The following ITPK1 variants were observed in gnomAD, a reference collection of about 807,000 sequenced individuals.
ITPK1 encodes inositol 1,3,4-trisphosphate 5/6-kinase.
In ITPK1, 21 loss-of-function variants were observed where a neutral mutation model predicts 45.3. The ratio of observed to expected loss-of-function variants is 0.46; its 90% CI spans 0.33 to 0.67. ITPK1 has a LOEUF of 0.67. Among genes scored for constraint, ITPK1 ranks in the 30% least tolerant of loss-of-function variants. The pLI is 0.02. For synonymous variants in ITPK1, 258 were observed against 253.6 expected (o/e 1.02, Z -0.16); for missense variants, 474 against 573.5 (o/e 0.83, Z 1.77).
rs973362811 is a variant in ITPK1 at position 93,012,509 on chromosome 14, A to T, written c.246+4167T>A. ...GGTCAAGCTGGCAATCATGGCCTTC[A>T]GTGTCACAGCAATAAGAAAGCATGG... On this transcript the variant is annotated intron_variant, in intron 4 of 10. Transcript: ENST00000267615. This position sits in a 1 kb window ranked among gnomAD's most constrained non-coding sequence, Gnocchi z 4.9. Among the ~76,000 whole-genome samples, 1 of 152,188 alleles carries T rather than the reference A, an allele frequency of 6.6e-6. No homozygotes were observed. The highest frequency in any genetic ancestry group is 1.5e-5 in the Non-Finnish European group (1 of 68,034).
intron 2 of ITPK1, among the ~76,000 whole-genome samples, chr14:93,086,414 A>C (rs1002311334): frequency 1.2e-4 from 18 of 152,204 alleles, no homozygotes; most frequent in Admixed American, 6.5e-5. Flanking sequence ...CTTAAAGTTT[A>C]GTTGTCTTTG....
At chr14:92,948,579 C>T (rs557402628) in intron 9 of ITPK1, among the ~76,000 whole-genome samples, 6 of 152,068 alleles carry the variant, frequency 3.9e-5, no homozygotes, top group Non-Finnish European at 8.8e-5. Flanking sequence ...CTCAAGTAAT[C>T]CTCCCTCCTT....
intron 5 of ITPK1, 25 bp downstream of exon 5, chr14:92,993,855 G>A (rs372305342): frequency 6.8e-7 from 1 of 1,461,786 alleles, no homozygotes; most frequent in South Asian, 1.1e-5. Context: ...GCCTGCCACG[G>A]ATGTGGTGCC....
At chr14:92,975,415 G>A (rs914006314) in intron 5 of ITPK1, among the ~76,000 whole-genome samples, 7 of 152,164 alleles carry the variant, frequency 4.6e-5, no homozygotes, top group South Asian at 2.1e-4. Context: ...CAGGAGGCTC[G>A]GTGGGAGCAG....
chr14:93,062,445 T>TA (rs1007098513), intron 3 of ITPK1, among the ~76,000 whole-genome samples: 8 of 149,290 alleles, frequency 5.4e-5, no homozygotes, highest in East Asian at 2.0e-4. Context: ...AAAGTTTAAT[T>TA]AAAAAAAAAA....
intron 5 of ITPK1, among the ~76,000 whole-genome samples, chr14:92,990,394 G>A (rs1385828376): frequency 1.3e-5 from 2 of 152,178 alleles, no homozygotes; most frequent in Non-Finnish European, 2.9e-5. Context: ...GAAGGAGCCA[G>A]GGTCCCAGCC....
At chr14:93,114,034 G>T (rs1892845435) in intron 2 of ITPK1, among the ~76,000 whole-genome samples, 1 of 152,222 alleles carries the variant, frequency 6.6e-6, no homozygotes, top group East Asian at 1.9e-4. Flanking sequence ...AATTCTCCAA[G>T]ATGTGTGGGG....
intron 3 of ITPK1, among the ~76,000 whole-genome samples, chr14:93,055,718 G>A (rs931766239): frequency 2.0e-5 from 3 of 152,130 alleles, no homozygotes; most frequent in South Asian, 2.1e-4. Flanking sequence ...ATCCTTATCC[G>A]GTCCTAGCCC....
chr14:92,992,316 A>T (rs149991652), intron 5 of ITPK1, among the ~76,000 whole-genome samples: 502 of 152,306 alleles, frequency 3.3e-3, no homozygotes, highest in Non-Finnish European at 5.8e-3. Context: ...ACCTTCACCC[A>T]TGGCAGACTG....
At position 92,946,342 on chromosome 14, in the gene ITPK1, T is replaced by C. The variant is rs1327708993; in HGVS notation, c.890A>G (p.Asn297Ser). Residue 297 changes from asparagine to serine, a missense_variant, in exon 10 of 11, where the codon AAT becomes AGT. Coordinates refer to ENST00000267615, the MANE Select transcript of ITPK1 (RefSeq NM_014216.6). ...TGGCCGCCACTCACCTGGGAAGGCATTGATGTCAATGACGGCGTGCTGCCC... is the reference window on the plus strand; with the variant it reads ...TGGCCGCCACTCACCTGGGAAGGCACTGATGTCAATGACGGCGTGCTGCCC... The part of the protein sequence containing the change: ...QTGQHAVIDI[N>S]AFPGYEGVSE... The C allele has an allele frequency of 9.3e-6, 15 of 1,613,136 alleles. No individual in the cohort carries two copies. Among genetic ancestry groups the C allele is most frequent in the African/African-American group, 2.7e-5 (2 of 74,904 alleles).
chr14:93,075,049 G>A (rs1239230782), intron 3 of ITPK1, among the ~76,000 whole-genome samples: 1 of 152,106 alleles, frequency 6.6e-6, no homozygotes, highest in Non-Finnish European at 1.5e-5. Flanking sequence ...ATGCAGGTTG[G>A]GCGCGGTGGC....
chr14:92,943,937 G>A (rs1887558237), intron 10 of ITPK1, among the ~76,000 whole-genome samples: 1 of 152,224 alleles, frequency 6.6e-6, no homozygotes, highest in Admixed American at 6.5e-5. Flanking sequence ...GGCTGGGGCT[G>A]ACAGTCTGGG....
chr14:93,032,350 A>AAATAATAATAAT lies in ITPK1; in HGVS notation c.121-15561_121-15550dup, dbSNP rs10675965. Among the ~76,000 whole-genome samples, 101 of 150,260 alleles carry AAATAATAATAAT rather than the reference A, an allele frequency of 6.7e-4. No homozygotes were observed. The highest frequency in any genetic ancestry group is 2.1e-3 in the African/African-American group (84 of 40,662). Reference sequence around the variant, plus strand: ...GGGCGACAGAGCGAGACTCCATCTCAAATAATAATAATAATAATAATAAAG... The same window carrying AAATAATAATAAT: ...GGGCGACAGAGCGAGACTCCATCTCAAATAATAATAATAATAATAATAATAATAATAATAAAG... On this transcript the variant is annotated intron_variant, in intron 3 of 10. Transcript: ENST00000267615. The surrounding 1 kb of genome is among the most constrained non-coding windows in gnomAD (Gnocchi z 4.0).
At chr14:93,095,764 T>C (rs1892053120) in intron 2 of ITPK1, among the ~76,000 whole-genome samples, 2 of 151,708 alleles carry the variant, frequency 1.3e-5, no homozygotes. Context: ...CCCCCTCTAG[T>C]AGTCCCCAGT....
chr14:93,020,848 C>A (rs1213595402), intron 3 of ITPK1, among the ~76,000 whole-genome samples: 3 of 152,152 alleles, frequency 2.0e-5, no homozygotes, highest in Non-Finnish European at 4.4e-5. Flanking sequence ...TAGCACCCAG[C>A]TCTTGCACAC....
chr14:93,024,430 C>G (rs553815469), intron 3 of ITPK1, among the ~76,000 whole-genome samples: 25 of 152,186 alleles, frequency 1.6e-4, no homozygotes, highest in Non-Finnish European at 3.1e-4. Context: ...AATATCCTTC[C>G]TATAGTCGCG....
Position 93,052,529 on chromosome 14 carries a change from G to C in ITPK1, c.120+24066C>G, listed in dbSNP as rs555733430. Among the ~76,000 whole-genome samples the C allele has an allele frequency of 2.0e-5, 3 of 152,312 alleles. No homozygotes were observed. In the East Asian group the frequency reaches 5.8e-4, roughly 29 times the overall value. On this transcript the variant is annotated intron_variant, in intron 3 of 10. Coordinates refer to ENST00000267615, the MANE Select transcript of ITPK1 (RefSeq NM_014216.6). Reference sequence around the variant, plus strand: ...GGTCTGGGTTGTTCTTACCCTGGGGGCCTTATCTGTCCTTCTGTGAGGGCC... The same window carrying C: ...GGTCTGGGTTGTTCTTACCCTGGGGCCCTTATCTGTCCTTCTGTGAGGGCC...
intron 5 of ITPK1, among the ~76,000 whole-genome samples, chr14:92,967,244 A>G (rs761923329): frequency 6.6e-5 from 10 of 152,252 alleles, no homozygotes; most frequent in Non-Finnish European, 1.0e-4. Flanking sequence ...AATTAAAAAG[A>G]TATCTCTATT....
intron 2 of ITPK1, among the ~76,000 whole-genome samples, chr14:93,093,051 T>C (rs917921617): frequency 9.9e-5 from 15 of 152,160 alleles, no homozygotes; most frequent in African/African-American, 3.4e-4. Flanking sequence ...CAGCTCTCCA[T>C]ACACTCATTA....
Sources: gnomAD v4.1 joint callset for allele counts (sites outside exome capture counted in the v4.1 genomes callset) on GRCh38, gnomAD v4.1.1 for gene constraint, Gnocchi (gnomAD v3.1) non-coding constraint, MANE v1.5 for transcripts, NCBI Gene and HGNC (gene_info 2026-07-23, HGNC 2026-07-21) for gene names.